The following MYO3A variants were observed in gnomAD, a reference collection of about 807,000 sequenced individuals.
MYO3A encodes the protein myosin-IIIa.
A neutral mutation model predicts 192.7 loss-of-function variants in MYO3A; 180 were observed. The observed-to-expected ratio is 0.93, with a 90% confidence interval of 0.83 to 1.06. The LOEUF (loss-of-function observed/expected upper bound fraction) is 1.06, where lower values mean the gene tolerates loss of function less well. MYO3A is among the 50% of genes least tolerant of loss of function. The pLI is 0.00. For synonymous variants in MYO3A, 628 were observed against 645.3 expected, an observed-to-expected ratio of 0.97 and a Z score of 0.41; for missense variants, 1,896 against 1,905.0, an observed-to-expected ratio of 1.00 and a Z score of 0.09.
At position 26,136,787 on chromosome 10, in the gene MYO3A, G is replaced by C. The variant is rs550036621; in HGVS notation, c.2263-6661G>C. ...AATGCCAGCACTTTGGGAGGCCAAG[G>C]TCAGCAGGATCACTTGAGGCCCGGG... On this transcript the variant is annotated intron_variant, in intron 20 of 34. Coordinates refer to ENST00000642920, the MANE Select transcript of MYO3A (RefSeq NM_017433.5). Among the ~76,000 whole-genome samples the C allele has an allele frequency of 2.0e-5, 3 of 152,298 alleles. No individual in the cohort carries two copies. The East Asian group carries it at 5.8e-4, about 29-fold the overall frequency.
At chr10:26,062,456 G>A (rs190919302) in intron 10 of MYO3A, among the ~76,000 whole-genome samples, 255 of 141,658 alleles carry the variant, frequency 1.8e-3, no homozygotes, top group Non-Finnish European at 2.5e-3. Flanking sequence ...GGCAGAGGTT[G>A]CAGTGAGCCG....
intron 10 of MYO3A, among the ~76,000 whole-genome samples, chr10:26,034,297 C>G (rs1311958305): frequency 6.6e-6 from 1 of 152,144 alleles, no homozygotes; most frequent in Non-Finnish European, 1.5e-5. Flanking sequence ...TGTCCTTTTG[C>G]CATCTTCCAT....
intron 32 of MYO3A, among the ~76,000 whole-genome samples, chr10:26,198,155 T>G (rs1589117531): frequency 6.6e-6 from 1 of 152,264 alleles, no homozygotes; most frequent in African/African-American, 2.4e-5. Flanking sequence ...GTTTTGTTTT[T>G]TTTTCTCCTT....
At chr10:26,180,909 T>G (rs901282632) in intron 31 of MYO3A, among the ~76,000 whole-genome samples, 10 of 152,064 alleles carry the variant, frequency 6.6e-5, no homozygotes, top group Non-Finnish European at 1.5e-4. Flanking sequence ...TTCTTTGGAA[T>G]TTAAGAAAAT....
At chr10:26,062,981 A>G (rs187643684) in intron 10 of MYO3A, among the ~76,000 whole-genome samples, 1 of 152,346 alleles carries the variant, frequency 6.6e-6, no homozygotes, top group East Asian at 1.9e-4. Flanking sequence ...AGAAGAGGGA[A>G]AATAGATATT....
At chr10:25,949,178 C>G (rs1219384696) in intron 2 of MYO3A, among the ~76,000 whole-genome samples, 1 of 151,970 alleles carries the variant, frequency 6.6e-6, no homozygotes, top group East Asian at 1.9e-4. Context: ...TTAATCTATC[C>G]ATGAGTTTTC....
intron 25 of MYO3A, among the ~76,000 whole-genome samples, chr10:26,155,486 A>G (rs1367006085): frequency 6.6e-6 from 1 of 152,246 alleles, no homozygotes; most frequent in Non-Finnish European, 1.5e-5. Context: ...CCATCCAATG[A>G]AAATGAAGAA....
At chr10:26,064,106 A>G (rs569669179) in intron 10 of MYO3A, among the ~76,000 whole-genome samples, 24 of 152,336 alleles carry the variant, frequency 1.6e-4, no homozygotes, top group Admixed American at 2.6e-4. Flanking sequence ...GGTGATGAGG[A>G]AAATTGGGGG....
intron 17 of MYO3A, among the ~76,000 whole-genome samples, chr10:26,115,719 C>A (rs990622998): frequency 1.3e-5 from 2 of 152,124 alleles, no homozygotes; most frequent in Non-Finnish European, 2.9e-5. Context: ...TTTGAATGCT[C>A]CAAATGATGG....
intron 10 of MYO3A, among the ~76,000 whole-genome samples, chr10:26,054,192 T>C (rs532362312): frequency 1.3e-4 from 20 of 152,334 alleles, no homozygotes; most frequent in South Asian, 4.1e-4. Flanking sequence ...TTTTGAGTTA[T>C]GTTTTAAAAA....
intron 7 of MYO3A, among the ~76,000 whole-genome samples, chr10:26,019,351 T>C (rs1351226391): frequency 6.6e-6 from 1 of 152,044 alleles, no homozygotes; most frequent in Non-Finnish European, 1.5e-5. Context: ...CTCCGCTTCC[T>C]GGGTTCACGC....
intron 6 of MYO3A, among the ~76,000 whole-genome samples, chr10:26,007,036 A>G (rs1390847952): frequency 1.4e-5 from 2 of 147,166 alleles, no homozygotes; most frequent in Non-Finnish European, 3.0e-5. Context: ...ATCCACCATG[A>G]TCAAGTGGGC....
intron 17 of MYO3A, among the ~76,000 whole-genome samples, chr10:26,103,483 C>T (rs2131600318): frequency 6.6e-6 from 1 of 152,322 alleles, no homozygotes; most frequent in South Asian, 2.1e-4. Context: ...GAGCTGTAGA[C>T]TGGAGCTGTT....
intron 23 of MYO3A, among the ~76,000 whole-genome samples, chr10:26,147,820 G>A (rs1364807684): frequency 2.0e-5 from 3 of 152,132 alleles, no homozygotes; most frequent in African/African-American, 7.2e-5. Flanking sequence ...CTCACTACAA[G>A]AGTATACTGA....
At chr10:25,972,493 G>C in intron 4 of MYO3A, among the ~76,000 whole-genome samples, 1 of 151,704 alleles carries the variant, frequency 6.6e-6, no homozygotes, top group East Asian at 1.9e-4. Context: ...CTGTTTCTTT[G>C]CATGTCTTAT....
chr10:26,193,350 C>T (rs764275661), intron 32 of MYO3A, 39 bp downstream of exon 32: 103 of 1,484,762 alleles, frequency 6.9e-5, no homozygotes, highest in Non-Finnish European at 8.1e-5. Context: ...GGAGCCATCA[C>T]ATCTACTAAT....
chr10:26,156,449 T>G (rs1841121079), intron 25 of MYO3A, among the ~76,000 whole-genome samples: 1 of 152,242 alleles, frequency 6.6e-6, no homozygotes, highest in Non-Finnish European at 1.5e-5. Context: ...TATGTTATAC[T>G]TACTTGTCTA....
intron 10 of MYO3A, among the ~76,000 whole-genome samples, chr10:26,036,175 G>A (rs530877333): frequency 1.7e-4 from 26 of 152,056 alleles, no homozygotes; most frequent in African/African-American, 5.1e-4. Context: ...TCCAGACCTC[G>A]TGATCTGCCC....
chr10:26,030,428 G>A (rs1842754044), intron 10 of MYO3A, among the ~76,000 whole-genome samples: 1 of 152,114 alleles, frequency 6.6e-6, no homozygotes, highest in South Asian at 2.1e-4. Context: ...TCTTGACCAT[G>A]GATCTTAGTT....
Sources: allele counts gnomAD v4.1 joint callset (sites outside exome capture counted in the v4.1 genomes callset), GRCh38; gene constraint gnomAD v4.1.1; transcripts MANE v1.5; gene names NCBI Gene and HGNC (gene_info 2026-07-23, HGNC 2026-07-21).